ZC3H12B: variants seen among roughly 807,000 people sequenced by gnomAD.
ZC3H12B encodes the protein probable ribonuclease ZC3H12B.
Under a neutral mutation model 43.9 loss-of-function variants are expected in ZC3H12B, and 7 were observed. That is an observed-to-expected ratio of 0.16 (90% CI 0.09 to 0.30). The LOEUF is 0.30. Ranked by LOEUF, ZC3H12B falls within the 10% of genes least tolerant of loss-of-function variation. ZC3H12B has a pLI of 1.00. For synonymous variants in ZC3H12B, 222 were observed against 241.7 expected, an observed-to-expected ratio of 0.92 and a Z score of 0.76; for missense variants, 475 against 670.2, an observed-to-expected ratio of 0.71 and a Z score of 3.22.
the ZC3H12B span, among the ~76,000 whole-genome samples, chrX:65,347,849 A>G: frequency 8.9e-6 from 1 of 112,539 alleles, no homozygotes; most frequent in Admixed American, 9.4e-5. Context: ...ATGTCCATCA[A>G]TGATAGACTG....
chrX:65,437,850 A>G (rs2067240153), intron 3 of ZC3H12B, among the ~76,000 whole-genome samples: 2 of 112,248 alleles, frequency 1.8e-5, no homozygotes, highest in Admixed American at 9.5e-5. Context: ...AGTTTCCTCA[A>G]TGTTCTCTTT....
the ZC3H12B span, among the ~76,000 whole-genome samples, chrX:65,165,114 A>G: frequency 8.9e-6 from 1 of 111,914 alleles, no homozygotes; most frequent in Non-Finnish European, 1.9e-5. Flanking sequence ...AATAAAAAGG[A>G]GAAAATCAAT....
the ZC3H12B span, among the ~76,000 whole-genome samples, chrX:65,043,384 C>T: frequency 3.6e-5 from 4 of 110,629 alleles, no homozygotes; most frequent in South Asian, 7.6e-4. Context: ...ATTATCTACC[C>T]TCCTCATTTT....
At chrX:65,255,680 C>A in the ZC3H12B span, among the ~76,000 whole-genome samples, 1 of 112,095 alleles carries the variant, frequency 8.9e-6, no homozygotes, top group Admixed American at 9.4e-5. Context: ...ACACCCATAC[C>A]TGTCAGTACT....
the ZC3H12B span, among the ~76,000 whole-genome samples, chrX:65,223,955 C>T: frequency 4.5e-5 from 5 of 112,015 alleles, no homozygotes; most frequent in Admixed American, 1.9e-4. Flanking sequence ...TCCTGGGTAT[C>T]GACCGAGAGG....
At chrX:65,367,566 G>A (rs897370782) in intron 1 of ZC3H12B, among the ~76,000 whole-genome samples, 1 of 110,736 alleles carries the variant, frequency 9.0e-6, no homozygotes, top group Non-Finnish European at 1.9e-5. Flanking sequence ...GTTTCTTCTC[G>A]ATTTTAACTG....
At chrX:65,248,620 A>G in the ZC3H12B span, among the ~76,000 whole-genome samples, 2 of 111,789 alleles carry the variant, frequency 1.8e-5, no homozygotes, top group Admixed American at 1.9e-4. Context: ...ACTATCAAAT[A>G]GTAGTTCTAC....
chrX:65,424,014 T>C (rs1267598772), intron 3 of ZC3H12B, among the ~76,000 whole-genome samples: 2 of 112,107 alleles, frequency 1.8e-5, no homozygotes, highest in Non-Finnish European at 3.8e-5. Context: ...CTTTTCTGCA[T>C]CTATTGAGAT....
the ZC3H12B span, among the ~76,000 whole-genome samples, chrX:65,301,634 C>T: frequency 9.0e-6 from 1 of 111,114 alleles, no homozygotes; most frequent in African/African-American, 3.3e-5. Context: ...TATGTTCTCA[C>T]TCATAAGTGG....
chrX:65,432,213 C>T (rs895586362), intron 3 of ZC3H12B, among the ~76,000 whole-genome samples: 5 of 111,608 alleles, frequency 4.5e-5, no homozygotes, highest in Non-Finnish European at 7.5e-5. Flanking sequence ...ATATGTTCAA[C>T]TCTGTGGCTT....
the ZC3H12B span, among the ~76,000 whole-genome samples, chrX:65,152,864 G>A: frequency 1.8e-5 from 2 of 111,780 alleles, no homozygotes; most frequent in East Asian, 2.8e-4. Context: ...AAAACAGCAT[G>A]GTACTGGTAC....
chrX:65,248,104 G>T, the ZC3H12B span, among the ~76,000 whole-genome samples: 1 of 110,763 alleles, frequency 9.0e-6, no homozygotes, highest in Non-Finnish European at 1.9e-5. Context: ...GTGCAGTGGC[G>T]TGATCTCGGC....
the ZC3H12B span, among the ~76,000 whole-genome samples, chrX:65,061,350 T>G: frequency 1.8e-5 from 2 of 111,363 alleles, no homozygotes; most frequent in African/African-American, 3.3e-5. Context: ...CAGTGTGTGA[T>G]GTTCCGCTCC....
chrX:65,302,420 C>A, the ZC3H12B span, among the ~76,000 whole-genome samples: 1,262 of 110,920 alleles, frequency 0.011, 22 homozygotes, highest in African/African-American at 0.04. Flanking sequence ...TACATTAGCA[C>A]CCAATAAATA....
At chrX:65,149,459 G>T in the ZC3H12B span, among the ~76,000 whole-genome samples, 1 of 111,495 alleles carries the variant, frequency 9.0e-6, no homozygotes, top group East Asian at 2.8e-4. Context: ...TAGGATAAAA[G>T]CACTTTTAAA....
intron 3 of ZC3H12B, among the ~76,000 whole-genome samples, chrX:65,459,497 A>G (rs766832255): frequency 8.9e-6 from 1 of 111,801 alleles, no homozygotes; most frequent in East Asian, 2.8e-4. Flanking sequence ...CACATCAAAA[A>G]GCTTATCCAC....
intron 3 of ZC3H12B, among the ~76,000 whole-genome samples, chrX:65,453,498 A>G (rs2148156049): frequency 9.7e-6 from 1 of 103,033 alleles, no homozygotes. Context: ...GGGCAGGTGG[A>G]TCACCTGAGA....
At chrX:65,245,928 A>C in the ZC3H12B span, among the ~76,000 whole-genome samples, 1 of 111,656 alleles carries the variant, frequency 9.0e-6, no homozygotes, top group Non-Finnish European at 1.9e-5. Flanking sequence ...ATATTTAAAA[A>C]AAAAAAAGAA....
the ZC3H12B span, among the ~76,000 whole-genome samples, chrX:65,076,583 C>G: frequency 9.1e-6 from 1 of 110,475 alleles, no homozygotes; most frequent in Non-Finnish European, 1.9e-5. Context: ...CTTTTTGTTT[C>G]TTTTTCATGC....
Sources: allele counts gnomAD v4.1 joint callset (sites outside exome capture counted in the v4.1 genomes callset), GRCh38; gene constraint gnomAD v4.1.1; transcripts MANE v1.5; gene names NCBI Gene and HGNC (gene_info 2026-07-23, HGNC 2026-07-21).